GOSR2: variants seen among roughly 807,000 people sequenced by gnomAD.
GOSR2 encodes golgi SNAP receptor complex member 2.
In GOSR2, 20 loss-of-function variants were observed where a neutral mutation model predicts 27.9. That is an observed-to-expected ratio of 0.72 (90% CI 0.50 to 1.04). GOSR2 has a LOEUF of 1.04. Among genes scored for constraint, GOSR2 ranks in the 50% least tolerant of loss-of-function variants. The probability of loss-of-function intolerance (pLI) is 0.00; values close to 1 mark genes in which losing one functional copy is unlikely to be tolerated. For synonymous variants in GOSR2, 91 were observed against 98.8 expected, an observed-to-expected ratio of 0.92 and a Z score of 0.47; for missense variants, 261 against 270.5, an observed-to-expected ratio of 0.97 and a Z score of 0.25.
Position 46,941,261 on chromosome 17 carries a change from G to A in GOSR2, c.*2501G>A. On this transcript the variant is annotated 3_prime_UTR_variant, in exon 6 of 6. Coordinates refer to ENST00000640051, the MANE Select transcript of GOSR2 (RefSeq NM_004287.5). ...CACTGCGGAGTTCTGTACACCCTTT[G>A]CCCTGATGAATTTGAATGGGTTTGA... The A allele has an allele frequency of 2.0e-6, 2 of 987,008 alleles. No individual in the cohort carries two copies. The highest frequency in any genetic ancestry group is 2.4e-6 in the Non-Finnish European group (2 of 830,810). The allele number at this position is 987,008 out of a possible 1,614,324, so 61.1% of individuals were successfully genotyped here. A position where few individuals can be genotyped will look rare whatever the true frequency, so the allele number is the denominator to read the frequency against.
At chr17:46,952,824 T>C (rs139092861) in intron 6 of GOSR2, 76 of 152,278 alleles carry the variant, frequency 5.0e-4, no homozygotes, top group African/African-American at 1.8e-3. Flanking sequence ...ATCCTTTTCC[T>C]ACTTAAGCTG....
chr17:46,934,741 C>G lies in GOSR2; in HGVS notation c.337-288C>G, dbSNP rs151217197. On this transcript the variant is annotated intron_variant, in intron 4 of 5. Transcript: ENST00000640051. Reference sequence around the variant, plus strand: ...ACCCAATGAGGTCTTGAAGGAATAGCTTTTCCTAAGAGGAGATCATGATAC... The same window carrying G: ...ACCCAATGAGGTCTTGAAGGAATAGGTTTTCCTAAGAGGAGATCATGATAC... Among the ~76,000 whole-genome samples the G allele has an allele frequency of 1.4e-3, 218 of 152,320 alleles. 1 individual carries two copies. Among genetic ancestry groups the G allele is most frequent in the Middle Eastern group, 6.8e-3 (2 of 294 alleles).
chr17:46,950,663 G>A (rs1301591153), intron 6 of GOSR2, among the ~76,000 whole-genome samples: 2 of 152,146 alleles, frequency 1.3e-5, no homozygotes, highest in Admixed American at 1.3e-4. Context: ...ACAGGATGGG[G>A]CTGCCCCACC....
chr17:46,935,098 G>A lies in GOSR2; in HGVS notation c.406G>A (p.Gly136Ser), dbSNP rs1374830883. 4 of 1,613,032 alleles carry A rather than the reference G, an allele frequency of 2.5e-6. No individual in the cohort carries two copies. Among genetic ancestry groups the A allele is most frequent in the Admixed American group, 1.7e-5 (1 of 60,008 alleles). Reference protein sequence around the residue: ...FNSSLQKVHNGMDDLILDGHN... With the variant: ...FNSSLQKVHNSMDDLILDGHN... ...CTCCTCCCTCCAGAAAGTTCACAAC[G>A]GCATGGATGACCTCATTTTAGATGG... Residue 136 changes from glycine to serine, a missense_variant, in exon 5 of 6, where the codon GGC becomes AGC. Coordinates refer to ENST00000640051, the MANE Select transcript of GOSR2 (RefSeq NM_004287.5).
rs367701738 is a variant in GOSR2, at chr17:46,937,971, G to A, written c.478-628G>A. On this transcript the variant is annotated intron_variant, in intron 5 of 5. Coordinates refer to ENST00000640051, the MANE Select transcript of GOSR2 (RefSeq NM_004287.5). Reference sequence around the variant, plus strand: ...CAGCCTCGAACTCCTGGGCTCAAGTGGTTCTGTCACCTTAGCCTCGCAAGT... The same window carrying A: ...CAGCCTCGAACTCCTGGGCTCAAGTAGTTCTGTCACCTTAGCCTCGCAAGT... 5 of 157,374 alleles carry A rather than the reference G, an allele frequency of 3.2e-5. No homozygotes were observed. The East Asian group carries it at 7.4e-4, about 23-fold the overall frequency. 9.7% of individuals were successfully genotyped at this position (157,374 alleles called of 1,614,324 possible).
In GOSR2 at chr17:46,938,720, C is replaced by T; in HGVS notation, c.599C>T (p.Thr200Ile). 2 of 1,613,950 alleles carry T rather than the reference C, an allele frequency of 1.2e-6. No individual in the cohort carries two copies. The highest frequency in any genetic ancestry group is 1.7e-6 in the Non-Finnish European group (2 of 1,179,910). Residue 200 changes from threonine (T) to isoleucine (I), a missense_variant, in exon 6 of 6, where the codon ACC (threonine) becomes ATC (isoleucine). Transcript: ENST00000640051. ...KYFMIGGMLL[T>I]CVVMFLVVQY... ...TTTATGATAGGTGGGATGCTGCTGA[C>T]CTGTGTGGTCATGTTCCTCGTGGTG...
chr17:46,923,566 GAGGAGACACGGAGT>G, intron 1 of GOSR2: 1 of 1,315,528 alleles, frequency 7.6e-7, no homozygotes, highest in Non-Finnish European at 9.6e-7. Flanking sequence ...TAGACCTCGA[GAGGAGACACGGAGT>G]AGGAGACACG....
chr17:46,935,900 G>A (rs1403438280), intron 5 of GOSR2: 8 of 985,824 alleles, frequency 8.1e-6, no homozygotes, highest in Non-Finnish European at 9.6e-6. Context: ...TCTGTTATCA[G>A]GGTGTGGTCC....
chr17:46,946,282 C>CAAAAAAA (rs58163051), downstream of GOSR2, among the ~76,000 whole-genome samples: 1 of 126,686 alleles, frequency 7.9e-6, no homozygotes, highest in African/African-American at 3.2e-5. Flanking sequence ...CTAAAAATAC[C>CAAAAAAA]AAAAAAAAAA....
chr17:46,932,144 G>C lies in GOSR2; in HGVS notation c.281G>C (p.Arg94Thr). ...AACTTCCAGCATCGGCGCCATGCAA[G>C]GGAGCAGCAGGAGAGACAGCGAGAA... is the stretch of plus-strand genomic sequence containing the variant. ...LRNFQHRRHA[R>T]EQQERQREEL... The change falls in exon 4 of 6, where the codon AGG (arginine) becomes ACG (threonine). Residue 94 changes from arginine to threonine, a missense_variant. By Grantham distance (71) the Arg-to-Thr change is moderately conservative. Coordinates refer to ENST00000640051, the MANE Select transcript of GOSR2 (RefSeq NM_004287.5). 1 of 1,614,166 alleles carries C rather than the reference G, an allele frequency of 6.2e-7. No homozygotes were observed. Among genetic ancestry groups the C allele is most frequent in the Non-Finnish European group, 8.5e-7 (1 of 1,180,008 alleles).
At chr17:46,960,700 C>G (rs1033183289) in intron 6 of GOSR2, among the ~76,000 whole-genome samples, 3 of 152,172 alleles carry the variant, frequency 2.0e-5, no homozygotes, top group African/African-American at 7.2e-5. Context: ...GAACGAACTA[C>G]TGAAGTGTGA....
intron 1 of GOSR2, among the ~76,000 whole-genome samples, chr17:46,925,367 C>T (rs375668737): frequency 1.3e-5 from 2 of 152,358 alleles, no homozygotes; most frequent in South Asian, 4.1e-4. Context: ...TATTGAGCAC[C>T]TACTATGTGC....
chr17:46,941,687 C>T lies in GOSR2; in HGVS notation c.*2927C>T, dbSNP rs2089293947. ...CTCCTGGGTTCAGGTGATCCTCATA[C>T]CTCAGCCTCCTGAGTAGCTGGAACT... On this transcript the variant is annotated 3_prime_UTR_variant, in exon 6 of 6. Coordinates refer to ENST00000640051, the MANE Select transcript of GOSR2 (RefSeq NM_004287.5). 1 of 159,244 alleles carries T rather than the reference C, an allele frequency of 6.3e-6. No individual in the cohort carries two copies. The highest frequency in any genetic ancestry group is 1.3e-5 in the Non-Finnish European group (1 of 74,574). 9.9% of individuals were successfully genotyped at this position (159,244 alleles called of 1,614,324 possible). A position where few individuals can be genotyped will look rare whatever the true frequency, so the allele number is the denominator to read the frequency against.
At chr17:46,946,334 G>T (rs1320978154), downstream of GOSR2, among the ~76,000 whole-genome samples, 1 of 150,318 alleles carries the variant, frequency 6.7e-6, no homozygotes, top group African/African-American at 2.5e-5. Flanking sequence ...GGTGGCGCAT[G>T]CCTGTAATCC....
At chr17:46,955,705 C>A (rs16941353) in intron 6 of GOSR2, 17,371 of 152,312 alleles carry the variant, frequency 0.11, 1,091 homozygotes, top group African/African-American at 0.16. Flanking sequence ...GAAAGCCTTC[C>A]AAACCAGGTC....
chr17:46,949,974 A>G (rs2090207854), intron 6 of GOSR2, among the ~76,000 whole-genome samples: 1 of 152,238 alleles, frequency 6.6e-6, no homozygotes, highest in Non-Finnish European at 1.5e-5. Context: ...GGTCCTCTGC[A>G]CACAGTAGGC....
chr17:46,972,615 G>T (rs2091404337), intron 6 of GOSR2, among the ~76,000 whole-genome samples: 1 of 152,236 alleles, frequency 6.6e-6, no homozygotes, highest in Non-Finnish European at 1.5e-5. Flanking sequence ...TCAACATACA[G>T]GTTCCATGTC....
Position 46,938,811 on chromosome 17 carries a change from G to C in GOSR2, c.*51G>C. 1 of 1,612,222 alleles carries C rather than the reference G, an allele frequency of 6.2e-7. No individual in the cohort carries two copies. The highest frequency in any genetic ancestry group is 8.5e-7 in the Non-Finnish European group (1 of 1,179,794). On this transcript the variant is annotated 3_prime_UTR_variant, in exon 6 of 6. Transcript: ENST00000640051. ...GCATTCCCACAGCCTGCAAGTGTGT[G>C]TGTGTGTGAAAGAGAGAGGGGGGCC...
intron 5 of GOSR2, chr17:46,938,150 C>T: frequency 7.6e-6 from 2 of 264,178 alleles, no homozygotes; most frequent in Non-Finnish European, 1.5e-5. Context: ...GGGATGAGTC[C>T]CTGCGCCTGG....
Sources: gnomAD v4.1 joint callset for allele counts (sites outside exome capture counted in the v4.1 genomes callset) on GRCh38, gnomAD v4.1.1 for gene constraint, MANE v1.5 for transcripts, NCBI Gene and HGNC (gene_info 2026-07-23, HGNC 2026-07-21) for gene names.